The following EXD3 variants were observed in gnomAD, a reference collection of about 807,000 sequenced individuals.
The protein encoded by EXD3 is exonuclease mut-7 homolog.
Under a neutral mutation model 98.0 loss-of-function variants are expected in EXD3, and 92 were observed. The ratio of observed to expected loss-of-function variants is 0.94; its 90% CI spans 0.79 to 1.12. The LOEUF is 1.12. Among genes scored for constraint, EXD3 ranks in the 50% most tolerant of loss-of-function variants. The probability of loss-of-function intolerance (pLI) is 0.00; values close to 1 mark genes in which losing one functional copy is unlikely to be tolerated. For missense variants in EXD3, 1,222 were observed against 1,191.6 expected (o/e 1.03, Z -0.38); for synonymous variants, 569 against 526.0 (o/e 1.08, Z -1.12).
In EXD3 at chr9:137,368,281, G is replaced by A. The variant is rs139941290; in HGVS notation, c.463-292C>T. Among the ~76,000 whole-genome samples, 70 of 152,358 alleles carry A rather than the reference G, an allele frequency of 4.6e-4. 1 individual carries two copies. The highest frequency in any genetic ancestry group is 7.8e-4 in the Non-Finnish European group (53 of 68,022). ...GCTGGCCACACAGCCTGGGTCCCAGGGCCTTGCTCGGGGATTGCTGATGAG... is the reference window on the plus strand; with the variant it reads ...GCTGGCCACACAGCCTGGGTCCCAGAGCCTTGCTCGGGGATTGCTGATGAG... On this transcript the variant is annotated intron_variant, in intron 5 of 21. Coordinates refer to ENST00000340951, the MANE Select transcript of EXD3 (RefSeq NM_017820.5).
intron 8 of EXD3, 110 bp from the exon 9 acceptor site, chr9:137,354,883 C>T (rs923288365): frequency 2.8e-6 from 3 of 1,078,016 alleles, no homozygotes; most frequent in Admixed American, 5.0e-5. Context: ...CCTTCACCGT[C>T]CTCCACCTCT....
chr9:137,352,179 G>A lies in EXD3; in HGVS notation c.1060C>T (p.Leu354=). 1 of 1,612,742 alleles carries A rather than the reference G, an allele frequency of 6.2e-7. No homozygotes were observed. The highest frequency in any genetic ancestry group is 8.5e-7 in the Non-Finnish European group (1 of 1,179,738). ...QGRATEADSR[L]EVKDMKDRYY... ...CGGTCCTTCATGTCCTTCACCTCCA[G>A]CCTCGAGTCAGCCTCAGTCGCCCTG... Residue 354 remains leucine, a synonymous_variant, in exon 12 of 22, where the codon CTG becomes TTG. Transcript: ENST00000340951.
Position 137,349,287 on chromosome 9 carries a change from G to C in EXD3, c.1658-5C>G. On this transcript the variant is annotated splice_region_variant and splice_polypyrimidine_tract_variant and intron_variant, in intron 15 of 21. Transcript: ENST00000340951. This position sits in a 1 kb window ranked among gnomAD's most constrained non-coding sequence, Gnocchi z 7.4. ...GCAGGCAGTAGGCGTCGGCAGCTGT[G>C]TGGGGAGTCGGCCTCAGCCTCCCGG... 6.4e-7 allele frequency: 1 copy of C among 1,561,316 alleles called. No individual in the cohort carries two copies. The highest frequency in any genetic ancestry group is 1.8e-5 in the Admixed American group (1 of 54,218).
chr9:137,362,880 G>A (rs752275451), intron 7 of EXD3, among the ~76,000 whole-genome samples: 13 of 152,034 alleles, frequency 8.6e-5, no homozygotes, highest in Non-Finnish European at 1.5e-4. Context: ...GCGCAATCTC[G>A]GCTCACTGCA....
intron 17 of EXD3, among the ~76,000 whole-genome samples, chr9:137,340,266 A>G (rs976030301): frequency 1.3e-5 from 2 of 152,052 alleles, no homozygotes; most frequent in African/African-American, 4.8e-5. Flanking sequence ...TCATGAGGTC[A>G]AGGAGTTCAA....
rs556630849 is a variant in EXD3 at position 137,403,536 on chromosome 9, C to T, written c.-47-8132G>A. 1.3e-5 allele frequency among the ~76,000 whole-genome samples: 2 copies of T among 152,252 alleles called. No homozygotes were observed. Among genetic ancestry groups the T allele is most frequent in the South Asian group, 4.1e-4 (2 of 4,822 alleles). On this transcript the variant is annotated intron_variant, in intron 1 of 21. Coordinates refer to ENST00000340951, the MANE Select transcript of EXD3 (RefSeq NM_017820.5). This position sits in a 1 kb window ranked among gnomAD's most constrained non-coding sequence, Gnocchi z 6.1. The stretch of plus-strand genomic sequence containing the variant: ...CAGGTCCGTTTCAGCCCTCCAGACG[C>T]CCGTACCCAGGAAACCTGGGCCTCC...
rs372549468 is a variant in EXD3, at chr9:137,367,955, G to A, written c.497C>T (p.Ser166Leu). The A allele has an allele frequency of 3.8e-5, 62 of 1,611,942 alleles. 2 individuals carry two copies. The African/African-American group carries it at 4.4e-4, about 11-fold the overall frequency. ...ATLGATLKLQ[S>L]ELGVEKMSIP... Reference sequence around the variant, plus strand: ...GTTCACCTTTTCAACGCCAAGCTCCGACTGCAGCTTCAACGTCGCGCCCAG... The same window carrying A: ...GTTCACCTTTTCAACGCCAAGCTCCAACTGCAGCTTCAACGTCGCGCCCAG... Residue 166 changes from serine (S) to leucine (L), a missense_variant, in exon 6 of 22, where the codon TCG becomes TTG. Coordinates refer to ENST00000340951, the MANE Select transcript of EXD3 (RefSeq NM_017820.5).
chr9:137,321,749 G>A (rs1588240292), intron 19 of EXD3, among the ~76,000 whole-genome samples: 1 of 152,140 alleles, frequency 6.6e-6, no homozygotes, highest in Admixed American at 6.5e-5. Context: ...TGCTCCAGGC[G>A]GAATATTGAT....
At chr9:137,314,093 C>T (rs1831506161) in intron 19 of EXD3, among the ~76,000 whole-genome samples, 2 of 152,174 alleles carry the variant, frequency 1.3e-5, no homozygotes, top group South Asian at 4.1e-4. Context: ...CTAGAGCCGC[C>T]CAACCGATGG....
chr9:137,388,113 GT>G (rs1287271406), intron 2 of EXD3, among the ~76,000 whole-genome samples: 1 of 152,200 alleles, frequency 6.6e-6, no homozygotes, highest in African/African-American at 2.4e-5. Flanking sequence ...TCCCCCGAAT[GT>G]GGATTCACAT....
At chr9:137,356,058 C>A (rs960009659) in intron 8 of EXD3, among the ~76,000 whole-genome samples, 1 of 152,200 alleles carries the variant, frequency 6.6e-6, no homozygotes, top group Non-Finnish European at 1.5e-5. Flanking sequence ...AGCTCATAGA[C>A]CCGTTGGCTG....
intron 19 of EXD3, among the ~76,000 whole-genome samples, chr9:137,318,970 G>A (rs930535831): frequency 4.6e-5 from 7 of 152,366 alleles, no homozygotes; most frequent in Middle Eastern, 3.4e-3. Flanking sequence ...AACCCTGCAC[G>A]TTGAGCGGGC....
intron 20 of EXD3, among the ~76,000 whole-genome samples, chr9:137,308,811 T>A (rs1213410806): frequency 6.6e-6 from 1 of 152,088 alleles, no homozygotes; most frequent in African/African-American, 2.4e-5. Context: ...TAATTTTTTG[T>A]ATTTTTAGTA....
intron 17 of EXD3, among the ~76,000 whole-genome samples, chr9:137,330,594 C>G (rs1833010791): frequency 3.1e-5 from 2 of 64,802 alleles, no homozygotes; most frequent in Non-Finnish European, 7.6e-5. Flanking sequence ...CTACACAGGA[C>G]TACACAGGAC....
rs111550666 is a variant in EXD3, at chr9:137,349,276, T to C, written c.1664A>G (p.Asp555Gly). The C allele has an allele frequency of 1.0e-5, 16 of 1,564,720 alleles. 1 individual carries two copies. The highest frequency in any genetic ancestry group is 1.7e-4 in the Middle Eastern group (1 of 6,004). ...CEEQVIYAAA[D>G]AYCLLEVHQA... is the part of the protein sequence containing the mutation. ...GTGCACCTCCAGCAGGCAGTAGGCG[T>C]CGGCAGCTGTGTGGGGAGTCGGCCT... Residue 555 changes from aspartate to glycine, a missense_variant, in exon 16 of 22, where the codon GAC becomes GGC. Asp to Gly is a moderately conservative substitution (Grantham distance 94, BLOSUM62 -1). Coordinates refer to ENST00000340951, the MANE Select transcript of EXD3 (RefSeq NM_017820.5). This position sits in a 1 kb window ranked among gnomAD's most constrained non-coding sequence, Gnocchi z 7.4.
At position 137,330,451 on chromosome 9, in the gene EXD3, C is replaced by G. The variant is rs1041824403; in HGVS notation, c.1999-6308G>C. On this transcript the variant is annotated intron_variant, in intron 17 of 21. Coordinates refer to ENST00000340951, the MANE Select transcript of EXD3 (RefSeq NM_017820.5). The stretch of plus-strand genomic sequence containing the variant: ...CTACACAGGACTACACAGGACTACA[C>G]AGGAGCTACACAGGACTACAAAGGA... Among the ~76,000 whole-genome samples the G allele has an allele frequency of 2.8e-5, 4 of 142,624 alleles. 1 individual carries two copies. The highest frequency in any genetic ancestry group is 2.3e-4 in the East Asian group (1 of 4,434). 93.6% of individuals were successfully genotyped at this position (142,624 alleles called of 152,430 possible).
Position 137,340,218 on chromosome 9 carries a change from C to A in EXD3, c.1998+7853G>T, listed in dbSNP as rs374500911. Among the ~76,000 whole-genome samples, 19 of 152,322 alleles carry A rather than the reference C, an allele frequency of 1.2e-4. No homozygotes were observed. The East Asian group carries it at 2.3e-3, about 19-fold the overall frequency. ...AGAGGCGGGGCGTGGTGGCTCACGC[C>A]TGTAATCTCAGCACTCTGGGAGGCT... On this transcript the variant is annotated intron_variant, in intron 17 of 21. Transcript: ENST00000340951.
chr9:137,390,328 A>G (rs1356981959), intron 2 of EXD3, among the ~76,000 whole-genome samples: 1 of 150,278 alleles, frequency 6.7e-6, no homozygotes, highest in African/African-American at 2.5e-5. Context: ...GCTACTCGGG[A>G]GGCTGAGGCA....
chr9:137,337,427 C>T (rs946601566), intron 17 of EXD3, among the ~76,000 whole-genome samples: 10 of 151,962 alleles, frequency 6.6e-5, no homozygotes, highest in Non-Finnish European at 1.0e-4. Context: ...CCAAGGCGGG[C>T]GGATCACAAG....
Sources: gnomAD v4.1 joint callset for allele counts (sites outside exome capture counted in the v4.1 genomes callset) on GRCh38, gnomAD v4.1.1 for gene constraint, Gnocchi (gnomAD v3.1) non-coding constraint, MANE v1.5 for transcripts, NCBI Gene and HGNC (gene_info 2026-07-23, HGNC 2026-07-21) for gene names.